The following CERS5 variants were observed in gnomAD, a reference collection of about 807,000 sequenced individuals.
CERS5 encodes ceramide synthase 5, also known as LAG1 homolog, ceramide synthase 5.
A neutral mutation model predicts 58.9 loss-of-function variants in CERS5; 37 were observed. The ratio of observed to expected loss-of-function variants is 0.63; its 90% confidence interval spans 0.48 to 0.83. The LOEUF (loss-of-function observed/expected upper bound fraction) is 0.83, where lower values mean the gene tolerates loss of function less well. Ranked by LOEUF, CERS5 falls within the 40% of genes least tolerant of loss-of-function variation. The probability of loss-of-function intolerance (pLI) is 0.00; values close to 1 mark genes in which losing one functional copy is unlikely to be tolerated. For missense variants in CERS5, 398 were observed against 489.3 expected (o/e 0.81, Z 1.76); for synonymous variants, 147 against 177.8 (o/e 0.83, Z 1.38).
chr12:50,135,326 TGTG>T (rs1951629540), intron 8 of CERS5: 1 of 369,436 alleles, frequency 2.7e-6, no homozygotes. Flanking sequence ...TGTGTGTGTG[TGTG>T]TGTGTGTGTG....
chr12:50,136,098 G>A (rs769652860), intron 6 of CERS5, 29 bp from the exon 7 acceptor site: 19 of 1,461,796 alleles, frequency 1.3e-5, no homozygotes, highest in Non-Finnish European at 1.7e-5. Flanking sequence ...AGAAGAGGGA[G>A]GTAAAAGCTG....
chr12:50,140,495 G>A (rs1392708756), intron 4 of CERS5, among the ~76,000 whole-genome samples: 1 of 151,818 alleles, frequency 6.6e-6, no homozygotes, highest in Non-Finnish European at 1.5e-5. Flanking sequence ...CTGTTGCCCA[G>A]GCTGGTCTTG....
intron 1 of CERS5, among the ~76,000 whole-genome samples, chr12:50,160,091 G>T (rs1364168415): frequency 7.9e-5 from 12 of 151,604 alleles, no homozygotes; most frequent in Non-Finnish European, 1.5e-4. Context: ...GATCACCTGA[G>T]GTCAGGAGTT....
intron 1 of CERS5, among the ~76,000 whole-genome samples, chr12:50,153,194 G>C (rs1157839157): frequency 6.6e-6 from 1 of 150,568 alleles, no homozygotes; most frequent in Non-Finnish European, 1.5e-5. Flanking sequence ...ACTTTTACCT[G>C]CCTTTCAGCC....
chr12:50,133,296 T>C, intron 9 of CERS5: 1 of 1,081,316 alleles, frequency 9.2e-7, no homozygotes, highest in Admixed American at 4.2e-5. Flanking sequence ...CCTAGCCCTT[T>C]GACTACAGTC....
At position 50,167,089 on chromosome 12, in the gene CERS5, C is replaced by T; in HGVS notation, c.197+12G>A. On this transcript the variant is annotated intron_variant, in intron 1 of 9. Coordinates refer to ENST00000317551, the MANE Select transcript of CERS5 (RefSeq NM_147190.5). Reference sequence around the variant, plus strand: ...CGCCCGGCCCCCGAGCCGCTCGCTCCCGGGCTCTCACCGCTCGAAGAGCAG... The same window carrying T: ...CGCCCGGCCCCCGAGCCGCTCGCTCTCGGGCTCTCACCGCTCGAAGAGCAG... The T allele has an allele frequency of 6.6e-7, 1 of 1,525,166 alleles. No individual in the cohort carries two copies. The highest frequency in any genetic ancestry group is 2.1e-5 in the Admixed American group (1 of 48,150). The allele number at this position is 1,525,166 out of a possible 1,614,324, so 94.5% of individuals were successfully genotyped here.
At chr12:50,154,304 C>T (rs775127907) in intron 1 of CERS5, 30 of 270,658 alleles carry the variant, frequency 1.1e-4, no homozygotes, top group African/African-American at 2.8e-4. Flanking sequence ...AGTGAGATCG[C>T]GCCACTACAC....
In CERS5 at chr12:50,167,211, C is replaced by T. The variant is rs1460562715; in HGVS notation, c.87G>A (p.Trp29Ter). Residue 29 changes from tryptophan (W) to a stop codon, truncating the protein, a stop_gained, in exon 1 of 10, where the codon TGG (tryptophan) becomes TGA (stop). Coordinates refer to ENST00000317551, the MANE Select transcript of CERS5 (RefSeq NM_147190.5). LOFTEE classifies it high-confidence loss of function. ...CGTCGGCCGGCCCCTCCAGATCAGC[C>T]CAGCTCACGTTCTCGGGTAGCCAGA... ...ERFWLPENVS[W>*]ADLEGPADGY... 2 of 1,607,718 alleles carry T rather than the reference C, an allele frequency of 1.2e-6. No homozygotes were observed. Among genetic ancestry groups the T allele is most frequent in the Non-Finnish European group, 1.7e-6 (2 of 1,178,328 alleles).
chr12:50,132,210 A>G lies in CERS5; in HGVS notation c.1030-1516T>C, dbSNP rs187184532. ...AGGTCGGGAGTTCGAGACCAGCCAG[A>G]CCAACATGAAGAAACCCCGTCTCTA... On this transcript the variant is annotated intron_variant, in intron 9 of 9. Coordinates refer to ENST00000317551, the MANE Select transcript of CERS5 (RefSeq NM_147190.5). 3.1e-3 allele frequency among the ~76,000 whole-genome samples: 470 copies of G among 152,042 alleles called. 1 individual carries two copies. Among genetic ancestry groups the G allele is most frequent in the African/African-American group, 0.01 (432 of 41,470 alleles).
chr12:50,151,898 G>A (rs1938004805), intron 1 of CERS5, among the ~76,000 whole-genome samples: 1 of 152,198 alleles, frequency 6.6e-6, no homozygotes, highest in African/African-American at 2.4e-5. Context: ...CACCCACCTC[G>A]GCCTCCCAAA....
chr12:50,152,690 C>T (rs1938101705), intron 1 of CERS5, among the ~76,000 whole-genome samples: 1 of 152,298 alleles, frequency 6.6e-6, no homozygotes, highest in South Asian at 2.1e-4. Flanking sequence ...TAAACTAAGT[C>T]GCTTTTTCCA....
chr12:50,135,294 A>G (rs1347483382), intron 8 of CERS5: 78 of 164,472 alleles, frequency 4.7e-4, no homozygotes, highest in African/African-American at 8.1e-4. Context: ...GAGAGGGAGG[A>G]AGAGAGAGAG....
chr12:50,164,809 C>CAT (rs1360330985), intron 1 of CERS5, among the ~76,000 whole-genome samples: 2 of 152,116 alleles, frequency 1.3e-5, no homozygotes, highest in Non-Finnish European at 2.9e-5. Flanking sequence ...TCAAGAGATA[C>CAT]GTAAGTTTAT....
intron 1 of CERS5, chr12:50,165,764 A>G: frequency 4.0e-6 from 1 of 251,702 alleles, no homozygotes; most frequent in Non-Finnish European, 8.0e-6. Flanking sequence ...CTGCATTACA[A>G]TCATTTATGC....
intron 4 of CERS5, among the ~76,000 whole-genome samples, chr12:50,139,780 G>T (rs192339451): frequency 2.2e-4 from 33 of 152,252 alleles, no homozygotes; most frequent in African/African-American, 7.7e-4. Flanking sequence ...GAGACAGAGT[G>T]AGACTCTGTC....
At chr12:50,132,000 G>A (rs1951352983) in intron 9 of CERS5, among the ~76,000 whole-genome samples, 1 of 152,072 alleles carries the variant, frequency 6.6e-6, no homozygotes, top group Non-Finnish European at 1.5e-5. Context: ...AGCTACTTGG[G>A]AGGCTGAGGC....
intron 1 of CERS5, among the ~76,000 whole-genome samples, chr12:50,159,962 T>C (rs1290241141): frequency 6.6e-6 from 1 of 152,200 alleles, no homozygotes; most frequent in Non-Finnish European, 1.5e-5. Flanking sequence ...ATGTTGACAA[T>C]GTATTTTGTT....
rs753242928 is a variant in CERS5, at chr12:50,137,721, T to C, written c.636+7A>G. ...AGTTGGGGAATTGAGGGAGCCAACG[T>C]CCTTACCTTTCTTTTAATGTCTGTA... On this transcript the variant is annotated splice_region_variant and intron_variant, in intron 6 of 9. Coordinates refer to ENST00000317551, the MANE Select transcript of CERS5 (RefSeq NM_147190.5). 6.5e-7 allele frequency: 1 copy of C among 1,543,802 alleles called. No individual in the cohort carries two copies. The highest frequency in any genetic ancestry group is 2.3e-5 in the East Asian group (1 of 44,374).
chr12:50,129,826 A>ATAGTATAAG lies in CERS5; in HGVS notation c.*718_*719insCTTATACTA, dbSNP rs2137964970. 1 of 151,964 alleles carries ATAGTATAAG rather than the reference A, an allele frequency of 6.6e-6. No homozygotes were observed. The highest frequency in any genetic ancestry group is 1.9e-4 in the East Asian group (1 of 5,164). 9.4% of individuals were successfully genotyped at this position (151,964 alleles called of 1,614,324 possible). On this transcript the variant is annotated 3_prime_UTR_variant, in exon 10 of 10. Coordinates refer to ENST00000317551, the MANE Select transcript of CERS5 (RefSeq NM_147190.5). The stretch of plus-strand genomic sequence containing the variant: ...GTTGAAGCACTTTTAATCACAAACA[A>ATAGTATAAG]ACAATAGTATAAGACCGTGAACAGC...
Sources: gnomAD v4.1 joint callset for allele counts (sites outside exome capture counted in the v4.1 genomes callset) on GRCh38, gnomAD v4.1.1 for gene constraint, MANE v1.5 for transcripts, NCBI Gene and HGNC (gene_info 2026-07-23, HGNC 2026-07-21) for gene names.